COL4A2: variants seen among roughly 807,000 people sequenced by gnomAD.
The protein encoded by COL4A2 is collagen type IV alpha 2 chain.
In COL4A2, 99 loss-of-function variants were observed where a neutral mutation model predicts 200.2. The ratio of observed to expected loss-of-function variants is 0.49; its 90% confidence interval spans 0.42 to 0.58. The LOEUF is 0.58. Ranked by LOEUF, COL4A2 falls within the 20% of genes least tolerant of loss-of-function variation. The pLI, the probability that COL4A2 is intolerant of heterozygous loss-of-function variation, is 0.00. For missense variants in COL4A2, 1,950 were observed against 2,314.1 expected, an observed-to-expected ratio of 0.84 and a Z score of 3.23; for synonymous variants, 897 against 900.6, an observed-to-expected ratio of 1.00 and a Z score of 0.07.
intron 29 of COL4A2, chr13:110,473,403 T>C: frequency 2.2e-6 from 1 of 455,634 alleles, no homozygotes. Flanking sequence ...ATGTAATCTG[T>C]TGTCAAGTTG....
chr13:110,423,820 T>C (rs1361538564), intron 4 of COL4A2, among the ~76,000 whole-genome samples: 1 of 152,004 alleles, frequency 6.6e-6, no homozygotes, highest in African/African-American at 2.4e-5. Flanking sequence ...TATACAGGAG[T>C]TGTCGTTTTG....
At chr13:110,501,036 C>A (rs1202922805) in intron 40 of COL4A2, among the ~76,000 whole-genome samples, 5 of 152,142 alleles carry the variant, frequency 3.3e-5, no homozygotes, top group Non-Finnish European at 7.4e-5. Flanking sequence ...AAGGCAGGAG[C>A]GTCACCTTGC....
chr13:110,347,283 G>A (rs1876747056), intron 3 of COL4A2, among the ~76,000 whole-genome samples: 1 of 152,176 alleles, frequency 6.6e-6, no homozygotes, highest in South Asian at 2.1e-4. Flanking sequence ...TCATTCATGT[G>A]TCAGGAGCTC....
chr13:110,331,287 G>C (rs1875900796), intron 3 of COL4A2, among the ~76,000 whole-genome samples: 1 of 152,202 alleles, frequency 6.6e-6, no homozygotes, highest in East Asian at 1.9e-4. Flanking sequence ...AGGGTTATTT[G>C]AGAGATAGAA....
intron 38 of COL4A2, among the ~76,000 whole-genome samples, chr13:110,492,824 A>G (rs937911151): frequency 6.6e-6 from 1 of 152,218 alleles, no homozygotes; most frequent in African/African-American, 2.4e-5. Flanking sequence ...TTCCAGTTCA[A>G]TGGTGTTCCT....
At chr13:110,506,899 C>T (rs1425588299) in intron 46 of COL4A2, among the ~76,000 whole-genome samples, 1 of 152,142 alleles carries the variant, frequency 6.6e-6, no homozygotes, top group African/African-American at 2.4e-5. Flanking sequence ...CCAGTGGAGA[C>T]CACCAATTAC....
At chr13:110,379,009 G>C (rs997545250) in intron 4 of COL4A2, among the ~76,000 whole-genome samples, 2 of 152,218 alleles carry the variant, frequency 1.3e-5, no homozygotes, top group Non-Finnish European at 2.9e-5. Flanking sequence ...GGCCCCGTTT[G>C]TAGTCTTGCC....
At position 110,430,440 on chromosome 13, in the gene COL4A2, A is replaced by C. The variant is rs768958595; in HGVS notation, c.585+4A>C. ...GCCTGGATTGGTCGGTTTCCAGGTA[A>C]GTTTATTTTTATTGGACGATATTCC... is the stretch of plus-strand genomic sequence containing the variant. On this transcript the variant is annotated splice_donor_region_variant and intron_variant, in intron 9 of 47. Transcript: ENST00000360467. 10 of 1,614,138 alleles carry C rather than the reference A, an allele frequency of 6.2e-6. No homozygotes were observed. The East Asian group carries it at 2.2e-4, about 36-fold the overall frequency.
chr13:110,423,399 A>C (rs114600138), intron 4 of COL4A2, among the ~76,000 whole-genome samples: 4,622 of 152,178 alleles, frequency 0.03, 230 homozygotes, highest in African/African-American at 0.099. Flanking sequence ...ATGTGAACAC[A>C]TGGACACAGG....
chr13:110,430,300 T>C, intron 8 of COL4A2, 101 bp from the exon 9 acceptor site: 1 of 1,492,864 alleles, frequency 6.7e-7, no homozygotes, highest in South Asian at 1.3e-5. Context: ...CTGATAGGGC[T>C]GATCTGTTTG....
At chr13:110,355,254 TTA>T (rs1877143301) in intron 3 of COL4A2, among the ~76,000 whole-genome samples, 1 of 147,462 alleles carries the variant, frequency 6.8e-6, no homozygotes, top group South Asian at 2.1e-4. Flanking sequence ...AAAAGCTAGA[TTA>T]AGATTCACCT....
rs908213873 is a variant in COL4A2 at position 110,508,671 on chromosome 13, C to T, written c.4881+450C>T. Reference sequence around the variant, plus strand: ...GGCTGGCTTAAAATGGATATATATTCGTGAGGAAAATTCTGGAATACCTTT... The same window carrying T: ...GGCTGGCTTAAAATGGATATATATTTGTGAGGAAAATTCTGGAATACCTTT... On this transcript the variant is annotated intron_variant, in intron 47 of 47. Coordinates refer to ENST00000360467, the MANE Select transcript of COL4A2 (RefSeq NM_001846.4). The surrounding 1 kb of genome is among the most constrained non-coding windows in gnomAD (Gnocchi z 6.1). Among the ~76,000 whole-genome samples the T allele has an allele frequency of 6.6e-6, 1 of 152,130 alleles. No homozygotes were observed. The highest frequency in any genetic ancestry group is 2.4e-5 in the African/African-American group (1 of 41,416).
chr13:110,461,343 GC>G (rs1189834001), intron 22 of COL4A2, among the ~76,000 whole-genome samples: 1 of 152,198 alleles, frequency 6.6e-6, no homozygotes, highest in African/African-American at 2.4e-5. Flanking sequence ...AAGGCACCGA[GC>G]CCGTGGATCC....
chr13:110,472,124 T>TC (rs1882491343), intron 28 of COL4A2, among the ~76,000 whole-genome samples: 1 of 143,238 alleles, frequency 7.0e-6, no homozygotes, highest in South Asian at 2.3e-4. Flanking sequence ...TTTTTATTTT[T>TC]TTCTCTTTTG....
chr13:110,441,285 A>G (rs1470827669), intron 16 of COL4A2, among the ~76,000 whole-genome samples: 1 of 152,140 alleles, frequency 6.6e-6, no homozygotes, highest in Non-Finnish European at 1.5e-5. Flanking sequence ...GGGTTCCGCC[A>G]TGCTTGTTCC....
At chr13:110,458,348 T>C in intron 21 of COL4A2, 1 of 338,634 alleles carries the variant, frequency 3.0e-6, no homozygotes, top group Non-Finnish European at 5.9e-6. Flanking sequence ...TGACCTTTCA[T>C]GACCTTGGCC....
chr13:110,405,778 A>T (rs1420467822), intron 4 of COL4A2, among the ~76,000 whole-genome samples: 1 of 152,052 alleles, frequency 6.6e-6, no homozygotes, highest in Non-Finnish European at 1.5e-5. Context: ...GGGGAGAGTG[A>T]CTCATGTCTT....
chr13:110,373,963 A>C (rs1878127722), intron 4 of COL4A2, among the ~76,000 whole-genome samples: 1 of 152,254 alleles, frequency 6.6e-6, no homozygotes. Context: ...GCACGGCCGC[A>C]GTAGAGACTT....
In COL4A2 at chr13:110,503,682, G is replaced by A. The variant is rs184429012; in HGVS notation, c.4139-165G>A. 5.1e-3 allele frequency among the ~76,000 whole-genome samples: 775 copies of A among 152,284 alleles called. 10 individuals carry two copies. The highest frequency in any genetic ancestry group is 0.018 in the African/African-American group (745 of 41,566). On this transcript the variant is annotated intron_variant, in intron 43 of 47. Transcript: ENST00000360467. Reference sequence around the variant, plus strand: ...AGAGCTTAATATTCAAACGGCAGGCGCTGAGTCACGGCTCAGGCCCGTTAG... The same window carrying A: ...AGAGCTTAATATTCAAACGGCAGGCACTGAGTCACGGCTCAGGCCCGTTAG...
Sources: allele counts gnomAD v4.1 joint callset (sites outside exome capture counted in the v4.1 genomes callset), GRCh38; gene constraint gnomAD v4.1.1; non-coding constraint Gnocchi (gnomAD v3.1); transcripts MANE v1.5; gene names NCBI Gene and HGNC (gene_info 2026-07-23, HGNC 2026-07-21).